The following WEE1 variants were observed in gnomAD, a reference collection of about 807,000 sequenced individuals.
WEE1 encodes the protein wee1-like protein kinase.
WEE1 carries 16 observed loss-of-function variants against 68.8 expected under a neutral mutation model. The ratio of observed to expected loss-of-function variants is 0.23; its 90% CI spans 0.16 to 0.35. WEE1 has a LOEUF of 0.35. WEE1 is among the 10% of genes least tolerant of loss of function. The pLI, the probability that WEE1 is intolerant of heterozygous loss-of-function variation, is 1.00. For missense variants in WEE1, 651 were observed against 824.1 expected (o/e 0.79, Z 2.57); for synonymous variants, 349 against 318.7 (o/e 1.09, Z -1.01).
intron 5 of WEE1, 164 bp from the exon 6 acceptor site, chr11:9,581,368 A>G: frequency 1.6e-6 from 1 of 612,218 alleles, no homozygotes. Flanking sequence ...TTACCTATTG[A>G]AAAAACAATA....
intron 5 of WEE1, chr11:9,578,771 C>T (rs565881361): frequency 6.6e-6 from 1 of 152,130 alleles, no homozygotes; most frequent in African/African-American, 2.4e-5. Flanking sequence ...AGAAAACTCA[C>T]GTGGGCCTGG....
intron 6 of WEE1, among the ~76,000 whole-genome samples, chr11:9,583,028 A>G (rs1015759369): frequency 1.3e-5 from 2 of 152,188 alleles, no homozygotes; most frequent in Non-Finnish European, 2.9e-5. Context: ...AAAATCTTCA[A>G]ATTTAGACCA....
At chr11:9,584,242 C>G (rs1849676298) in intron 6 of WEE1, among the ~76,000 whole-genome samples, 1 of 151,956 alleles carries the variant, frequency 6.6e-6, no homozygotes, top group African/African-American at 2.4e-5. Context: ...CTCAAATGAA[C>G]CTCCTGCCTC....
chr11:9,581,475 G>A, intron 5 of WEE1, 57 bp from the exon 6 acceptor site: 1 of 1,516,182 alleles, frequency 6.6e-7, no homozygotes, highest in Non-Finnish European at 8.9e-7. Context: ...TGGTAAAGAT[G>A]GAAGAAAGAA....
chr11:9,588,786 A>G lies in WEE1; in HGVS notation c.*184A>G, dbSNP rs1849730804. Reference sequence around the variant, plus strand: ...GATTGCTATGTCAGGCTTTCATCTAATCTTACCAGTCTGTCTTCTGTAGGA... The same window carrying G: ...GATTGCTATGTCAGGCTTTCATCTAGTCTTACCAGTCTGTCTTCTGTAGGA... On this transcript the variant is annotated 3_prime_UTR_variant, in exon 11 of 11. Coordinates refer to ENST00000450114, the MANE Select transcript of WEE1 (RefSeq NM_003390.4). The G allele has an allele frequency of 8.1e-7, 1 of 1,231,838 alleles. No homozygotes were observed. Among genetic ancestry groups the G allele is most frequent in the Non-Finnish European group, 1.0e-6 (1 of 981,378 alleles). 76.3% of individuals were successfully genotyped at this position (1,231,838 alleles called of 1,614,324 possible).
chr11:9,578,882 TA>T (rs1172826306), intron 5 of WEE1: 56 of 29,716 alleles, frequency 1.9e-3, no homozygotes, highest in African/African-American at 5.7e-3. Flanking sequence ...AATAAGTTTT[TA>T]TTTATTTATT....
chr11:9,583,003 G>A (rs926119529), intron 6 of WEE1, among the ~76,000 whole-genome samples: 3 of 152,196 alleles, frequency 2.0e-5, no homozygotes, highest in African/African-American at 4.8e-5. Flanking sequence ...AAAATATTAA[G>A]GGATGTGAAG....
chr11:9,575,775 G>T, intron 1 of WEE1, 113 bp from the exon 2 acceptor site: 2 of 839,210 alleles, frequency 2.4e-6, no homozygotes, highest in Non-Finnish European at 3.7e-6. Context: ...AGGCTTGTGT[G>T]TTGCTTTCAC....
Position 9,588,659 on chromosome 11 carries a change from TCA to T in WEE1, c.*59_*60del. On this transcript the variant is annotated 3_prime_UTR_variant, in exon 11 of 11. Transcript: ENST00000450114. ...GTGACAAGAGGAAGCTAGGTTGAAA[TCA>T]CTGATAGAATCCAGTTTGCAATTAC... 2.8e-6 allele frequency: 4 copies of T among 1,423,166 alleles called. No homozygotes were observed. The highest frequency in any genetic ancestry group is 3.7e-6 in the Non-Finnish European group (4 of 1,086,776). The allele number at this position is 1,423,166 out of a possible 1,614,324, so 88.2% of individuals were successfully genotyped here. A position where few individuals can be genotyped will look rare whatever the true frequency, so the allele number is the denominator to read the frequency against.
Position 9,581,622 on chromosome 11 carries a change from G to C in WEE1, c.1232G>C (p.Gly411Ala). 3.1e-6 allele frequency: 5 copies of C among 1,613,468 alleles called. No homozygotes were observed. Among genetic ancestry groups the C allele is most frequent in the Non-Finnish European group, 4.2e-6 (5 of 1,179,892 alleles). The stretch of plus-strand genomic sequence containing the variant: ...TTGAAGGATCTCCTTTTGCAAGTTG[G>C]CCGAGGCTTGAGGTATATTCATTCA... ...AELKDLLLQV[G>A]RGLRYIHSMS... The change falls in exon 6 of 11, where the codon GGC (glycine) becomes GCC (alanine). Residue 411 changes from glycine (G) to alanine (A), a missense_variant. Coordinates refer to ENST00000450114, the MANE Select transcript of WEE1 (RefSeq NM_003390.4).
At chr11:9,585,203 A>G (rs1469923672) in intron 6 of WEE1, 55 bp from the exon 7 acceptor site, 2 of 1,346,072 alleles carry the variant, frequency 1.5e-6, no homozygotes, top group African/African-American at 2.9e-5. Flanking sequence ...GATCTTGTTT[A>G]TGAACTCTGG....
rs561710838 is a variant in WEE1 at position 9,588,350 on chromosome 11, T to C, written c.1788-99T>C. 8.5e-5 allele frequency: 63 copies of C among 743,576 alleles called. 1 individual carries two copies. In the South Asian group the frequency reaches 1.9e-3, roughly 23 times the overall value. The allele number at this position is 743,576 out of a possible 1,614,324, so 46.1% of individuals were successfully genotyped here. A position where few individuals can be genotyped will look rare whatever the true frequency, so the allele number is the denominator to read the frequency against. On this transcript the variant is annotated intron_variant, in intron 10 of 10. Transcript: ENST00000450114. ...ATTTTTCAATTACATCTTAGAATAATGATGGCATGCAAATATCTCCCAATC... is the reference window on the plus strand; with the variant it reads ...ATTTTTCAATTACATCTTAGAATAACGATGGCATGCAAATATCTCCCAATC...
chr11:9,582,419 AG>A (rs1311587125), intron 6 of WEE1, among the ~76,000 whole-genome samples: 41 of 152,338 alleles, frequency 2.7e-4, no homozygotes, highest in African/African-American at 8.4e-4. Context: ...ATTCAAGTTA[AG>A]CATCTTAGGC....
rs79294375 is a variant in WEE1, at chr11:9,589,405, C to T, written c.*803C>T. 93 of 984,636 alleles carry T rather than the reference C, an allele frequency of 9.4e-5. No individual in the cohort carries two copies. The African/African-American group carries it at 1.5e-3, about 16-fold the overall frequency. The allele number at this position is 984,636 out of a possible 1,614,324, so 61.0% of individuals were successfully genotyped here. ...TAACTTGTTCTGGTAATGTCCTTCC[C>T]GGACTCTTTTTAAATGTCTCCCCCT... On this transcript the variant is annotated 3_prime_UTR_variant, in exon 11 of 11. Coordinates refer to ENST00000450114, the MANE Select transcript of WEE1 (RefSeq NM_003390.4).
At chr11:9,578,268 C>T (rs889301692) in intron 5 of WEE1, 2 of 168,878 alleles carry the variant, frequency 1.2e-5, no homozygotes, top group Non-Finnish European at 2.5e-5. Flanking sequence ...TAAACAAGAC[C>T]AGTTATCTCA....
At chr11:9,585,864 C>T (rs915370040) in intron 8 of WEE1, among the ~76,000 whole-genome samples, 1 of 152,140 alleles carries the variant, frequency 6.6e-6, no homozygotes, top group African/African-American at 2.4e-5. Flanking sequence ...TAGAACTATT[C>T]ATATACAAAT....
chr11:9,586,901 T>C, intron 10 of WEE1, 45 bp downstream of exon 10: 1 of 1,548,898 alleles, frequency 6.5e-7, no homozygotes, highest in Non-Finnish European at 8.7e-7. Context: ...TCATTCACTT[T>C]AATTCTCAAA....
intron 1 of WEE1, 92 bp from the exon 2 acceptor site, chr11:9,575,796 A>G (rs1849558934): frequency 7.5e-6 from 8 of 1,070,514 alleles, no homozygotes; most frequent in Admixed American, 6.4e-5. Context: ...CTACGCATTC[A>G]GCCCTATGAA....
intron 5 of WEE1, chr11:9,577,685 G>T: frequency 3.0e-6 from 1 of 330,752 alleles, no homozygotes; most frequent in South Asian, 2.4e-5. Flanking sequence ...AGTCTCTGTT[G>T]ATCTAAATTC....
Sources: allele counts gnomAD v4.1 joint callset (sites outside exome capture counted in the v4.1 genomes callset), GRCh38; gene constraint gnomAD v4.1.1; transcripts MANE v1.5; gene names NCBI Gene and HGNC (gene_info 2026-07-23, HGNC 2026-07-21).